KIAA1328: variants seen among roughly 807,000 people sequenced by gnomAD.
KIAA1328 encodes the protein protein hinderin.
A neutral mutation model predicts 68.1 loss-of-function variants in KIAA1328; 52 were observed. The ratio of observed to expected loss-of-function variants is 0.76; its 90% CI spans 0.61 to 0.96. KIAA1328 has a LOEUF of 0.96. Ranked by LOEUF, KIAA1328 falls within the 40% of genes least tolerant of loss-of-function variation. The probability of loss-of-function intolerance (pLI) is 0.00; values close to 1 mark genes in which losing one functional copy is unlikely to be tolerated. For missense variants in KIAA1328, 641 were observed against 677.6 expected, an observed-to-expected ratio of 0.95 and a Z score of 0.60; for synonymous variants, 232 against 239.4, an observed-to-expected ratio of 0.97 and a Z score of 0.28.
At chr18:37,167,587 T>A (rs1442261926) in intron 8 of KIAA1328, among the ~76,000 whole-genome samples, 1 of 152,096 alleles carries the variant, frequency 6.6e-6, no homozygotes, top group African/African-American at 2.4e-5. Context: ...CCTGCCAGTG[T>A]CTGCTGGTGC....
chr18:37,076,119 T>G (rs1425541491), intron 7 of KIAA1328, among the ~76,000 whole-genome samples: 2 of 152,150 alleles, frequency 1.3e-5, no homozygotes, highest in Non-Finnish European at 2.9e-5. Flanking sequence ...AGATCAGAAA[T>G]TATAACAAAC....
chr18:37,126,073 G>C (rs1272749212), intron 7 of KIAA1328, among the ~76,000 whole-genome samples: 1 of 152,186 alleles, frequency 6.6e-6, no homozygotes, highest in Admixed American at 6.5e-5. Flanking sequence ...ATAAGTGGCT[G>C]ATGCCTTTGT....
chr18:37,115,159 T>A (rs1385903449), intron 7 of KIAA1328, among the ~76,000 whole-genome samples: 1 of 152,188 alleles, frequency 6.6e-6, no homozygotes, highest in African/African-American at 2.4e-5. Flanking sequence ...CCCTAACTGA[T>A]TTTATGAGGC....
intron 7 of KIAA1328, among the ~76,000 whole-genome samples, chr18:37,104,504 G>A (rs2057714092): frequency 6.6e-6 from 1 of 152,148 alleles, no homozygotes. Flanking sequence ...GGCTGTGAAA[G>A]GTGGTGTGGG....
chr18:37,054,424 A>G (rs190478620), intron 6 of KIAA1328, among the ~76,000 whole-genome samples: 10 of 152,220 alleles, frequency 6.6e-5, no homozygotes, highest in African/African-American at 1.7e-4. Flanking sequence ...GTGTCCATCA[A>G]TGGTGGATTA....
intron 7 of KIAA1328, among the ~76,000 whole-genome samples, chr18:37,072,695 G>T (rs376597723): frequency 1.0e-3 from 158 of 152,172 alleles, no homozygotes; most frequent in African/African-American, 3.7e-3. Flanking sequence ...GAGCGTACAG[G>T]TTTATTACAT....
At chr18:36,969,831 A>G (rs2052105727) in intron 6 of KIAA1328, among the ~76,000 whole-genome samples, 1 of 152,116 alleles carries the variant, frequency 6.6e-6, no homozygotes, top group Admixed American at 6.5e-5. Context: ...GACATAACAA[A>G]AAAAATCCCA....
chr18:36,876,117 G>A (rs112605432), intron 4 of KIAA1328, among the ~76,000 whole-genome samples: 5 of 151,986 alleles, frequency 3.3e-5, no homozygotes, highest in East Asian at 3.9e-4. Context: ...GGATATTGGC[G>A]TGAAATTTTC....
At chr18:37,027,799 T>C (rs939288363) in intron 6 of KIAA1328, among the ~76,000 whole-genome samples, 11 of 152,030 alleles carry the variant, frequency 7.2e-5, no homozygotes, top group Non-Finnish European at 1.5e-4. Flanking sequence ...ATTCAGGACA[T>C]AGGCATGGGC....
In KIAA1328 at chr18:37,197,443, T is replaced by C. The variant is rs922775328; in HGVS notation, c.1523+24362T>C. On this transcript the variant is annotated intron_variant, in intron 9 of 9. Transcript: ENST00000280020. ...AAGCAAGAATAAAAAAATCCAATCC[T>C]GTTGCCACTATGGCCATTTTCCATT... is the stretch of plus-strand genomic sequence containing the variant. Among the ~76,000 whole-genome samples the C allele has an allele frequency of 3.9e-5, 6 of 152,252 alleles. 1 individual carries two copies. The highest frequency in any genetic ancestry group is 3.3e-4 in the Admixed American group (5 of 15,284).
At chr18:37,137,594 A>G (rs1212050910) in intron 7 of KIAA1328, among the ~76,000 whole-genome samples, 2 of 152,160 alleles carry the variant, frequency 1.3e-5, no homozygotes, top group Non-Finnish European at 2.9e-5. Flanking sequence ...TAGGTGACAT[A>G]GCTAACCTTT....
At chr18:36,926,155 G>C (rs2050108783) in intron 5 of KIAA1328, among the ~76,000 whole-genome samples, 1 of 152,018 alleles carries the variant, frequency 6.6e-6, no homozygotes, top group Non-Finnish European at 1.5e-5. Flanking sequence ...GGTGCTAATT[G>C]ATTGGAGGAA....
intron 2 of KIAA1328, 61 bp from the exon 3 acceptor site, chr18:36,835,173 T>G: frequency 1.4e-6 from 2 of 1,444,828 alleles, no homozygotes; most frequent in Non-Finnish European, 1.9e-6. Flanking sequence ...AAGGAGTTGA[T>G]GGGGGAGGGT....
At chr18:37,073,275 G>T (rs2056597700) in intron 7 of KIAA1328, among the ~76,000 whole-genome samples, 1 of 152,130 alleles carries the variant, frequency 6.6e-6, no homozygotes. Flanking sequence ...TCTGAAAAAG[G>T]TCTAATATCC....
intron 6 of KIAA1328, among the ~76,000 whole-genome samples, chr18:37,058,478 C>A (rs1379983072): frequency 6.6e-6 from 1 of 152,060 alleles, no homozygotes; most frequent in Non-Finnish European, 1.5e-5. Flanking sequence ...TTTGGGAGGC[C>A]AAGGCAGGTG....
chr18:37,165,568 T>C (rs2586787), intron 8 of KIAA1328, among the ~76,000 whole-genome samples: 59,519 of 149,472 alleles, frequency 0.4, 13,520 homozygotes, highest in African/African-American at 0.62. Context: ...TACAGGTGTG[T>C]GCCACCACAC....
intron 6 of KIAA1328, among the ~76,000 whole-genome samples, chr18:37,059,520 A>AT (rs974778801): frequency 1.8e-4 from 28 of 152,356 alleles, no homozygotes; most frequent in African/African-American, 6.7e-4. Context: ...AATGGCGATC[A>AT]TTAAAAAGTG....
intron 6 of KIAA1328, among the ~76,000 whole-genome samples, chr18:37,061,211 C>A (rs1324608949): frequency 6.6e-6 from 1 of 152,154 alleles, no homozygotes; most frequent in East Asian, 1.9e-4. Flanking sequence ...TTATGTTGAG[C>A]TAGAAAAACC....
intron 7 of KIAA1328, among the ~76,000 whole-genome samples, chr18:37,092,931 A>C (rs323320): frequency 0.27 from 40,666 of 152,030 alleles, 8,585 homozygotes; most frequent in African/African-American, 0.59. Flanking sequence ...GAATAAATCA[A>C]TGGGGAGACT....
Sources: allele counts gnomAD v4.1 joint callset (sites outside exome capture counted in the v4.1 genomes callset), GRCh38; gene constraint gnomAD v4.1.1; transcripts MANE v1.5; gene names NCBI Gene and HGNC (gene_info 2026-07-23, HGNC 2026-07-21).